FAT3: variants seen among roughly 807,000 people sequenced by gnomAD.
FAT3 encodes protocadherin Fat 3.
In FAT3, 95 loss-of-function variants were observed where a neutral mutation model predicts 310.2. That is an observed-to-expected ratio of 0.31 (90% CI 0.26 to 0.36). FAT3 has a LOEUF of 0.36. Ranked by LOEUF, FAT3 falls within the 10% of genes least tolerant of loss-of-function variation. The probability of loss-of-function intolerance (pLI) is 1.00; values close to 1 mark genes in which losing one functional copy is unlikely to be tolerated. For synonymous variants in FAT3, 2,314 were observed against 2,192.9 expected (o/e 1.06, Z -1.54); for missense variants, 5,408 against 5,715.6 (o/e 0.95, Z 1.74).
At chr11:92,815,814 GT>G (rs1379413147) in intron 13 of FAT3, among the ~76,000 whole-genome samples, 2 of 152,192 alleles carry the variant, frequency 1.3e-5, no homozygotes, top group Non-Finnish European at 2.9e-5. Flanking sequence ...GAATTCAAGT[GT>G]GAACCTCCAG....
intron 13 of FAT3, among the ~76,000 whole-genome samples, chr11:92,827,085 C>A (rs1474247629): frequency 1.3e-5 from 2 of 152,160 alleles, no homozygotes; most frequent in African/African-American, 4.8e-5. Context: ...GTTATTCTGG[C>A]ACCTGGTAGG....
At chr11:92,245,815 A>G (rs951522878) in intron 1 of FAT3, among the ~76,000 whole-genome samples, 5 of 152,158 alleles carry the variant, frequency 3.3e-5, no homozygotes, top group Non-Finnish European at 5.9e-5. Context: ...GCTTTAGAGT[A>G]AGAAAAGATG....
Position 92,866,810 on chromosome 11 carries a change from C to T in FAT3, c.11728C>T (p.Arg3910Cys), listed in dbSNP as rs1244798582. The change falls in exon 22 of 28, where the codon CGT becomes TGT. Residue 3910 changes from arginine (R) to cysteine (C), a missense_variant. Transcript: ENST00000525166. The part of the protein sequence containing the change: ...SGPGILGISG[R>C]AVNDGSWHSV... ...CCCTGGAATCTTGGGCATCTCGGGC[C>T]GTGCTGTCAACGACGGGAGCTGGCA... The T allele has an allele frequency of 6.2e-6, 10 of 1,613,766 alleles. No individual in the cohort carries two copies. The highest frequency in any genetic ancestry group is 2.7e-5 in the African/African-American group (2 of 74,938).
intron 3 of FAT3, among the ~76,000 whole-genome samples, chr11:92,570,227 A>G (rs1955624670): frequency 6.6e-6 from 1 of 152,206 alleles, no homozygotes; most frequent in African/African-American, 2.4e-5. Context: ...AGTGTCTGCC[A>G]AGTGGTAATA....
At chr11:92,779,773 G>T (rs146670879) in intron 7 of FAT3, among the ~76,000 whole-genome samples, 1 of 152,146 alleles carries the variant, frequency 6.6e-6, no homozygotes, top group African/African-American at 2.4e-5. Context: ...GGAGTATCCA[G>T]TTAGGCCCAG....
intron 6 of FAT3, among the ~76,000 whole-genome samples, chr11:92,767,622 G>A (rs1946347805): frequency 6.6e-6 from 1 of 152,122 alleles, no homozygotes; most frequent in South Asian, 2.1e-4. Flanking sequence ...CATCATTCCT[G>A]CATGTGTGTG....
intron 2 of FAT3, among the ~76,000 whole-genome samples, chr11:92,359,964 G>C (rs1315421621): frequency 1.1e-4 from 16 of 148,802 alleles, no homozygotes; most frequent in African/African-American, 4.0e-4. Flanking sequence ...CTTTATAGCA[G>C]CATGATTTAT....
chr11:92,532,383 C>T (rs1954111887), intron 3 of FAT3, among the ~76,000 whole-genome samples: 1 of 152,146 alleles, frequency 6.6e-6, no homozygotes, highest in Non-Finnish European at 1.5e-5. Flanking sequence ...GAAGAATCTT[C>T]TGTCTTATGT....
intron 2 of FAT3, among the ~76,000 whole-genome samples, chr11:92,416,369 GT>G (rs1950413249): frequency 6.8e-6 from 1 of 147,912 alleles, no homozygotes; most frequent in African/African-American, 2.5e-5. Flanking sequence ...GGGCGACAGG[GT>G]GAGACTCCAT....
intron 2 of FAT3, among the ~76,000 whole-genome samples, chr11:92,429,849 G>A (rs1950726073): frequency 6.6e-6 from 1 of 152,086 alleles, no homozygotes; most frequent in Admixed American, 6.6e-5. Flanking sequence ...TGATGATTAT[G>A]TGTTTTAGGG....
intron 3 of FAT3, among the ~76,000 whole-genome samples, chr11:92,668,558 C>T (rs1943028443): frequency 6.6e-6 from 1 of 152,180 alleles, no homozygotes; most frequent in Non-Finnish European, 1.5e-5. Context: ...ATCTAGACTC[C>T]ATCACCTGCA....
intron 11 of FAT3, 45 bp from the exon 12 acceptor site, chr11:92,806,317 C>A: frequency 6.6e-7 from 1 of 1,524,102 alleles, no homozygotes; most frequent in East Asian, 2.3e-5. Flanking sequence ...GCAATTGCCC[C>A]CACAAATACT....
In FAT3 at chr11:92,858,847, A is replaced by T. The variant is rs183795133; in HGVS notation, c.11501-318A>T. Among the ~76,000 whole-genome samples the T allele has an allele frequency of 6.6e-5, 10 of 152,296 alleles. No homozygotes were observed. The East Asian group carries it at 1.7e-3, about 26-fold the overall frequency. ...GAAGGGGTATCTTTTAATAATGCTCATTTTAGAAAGTGGGAGTTGGAAATT... is the reference window on the plus strand; with the variant it reads ...GAAGGGGTATCTTTTAATAATGCTCTTTTTAGAAAGTGGGAGTTGGAAATT... On this transcript the variant is annotated intron_variant, in intron 20 of 27. Transcript: ENST00000525166.
rs778532536 is a variant in FAT3 at position 92,798,866 on chromosome 11, C to T, written c.5853C>T (p.Tyr1951=). ...IKNNNLSKDH[Y]MLIVKVSDGK... is the part of the protein sequence containing the mutation. ...ACAACAACCTCTCCAAGGATCACTA[C>T]ATGCTGATAGTTAAGGTGTCTGATG... Residue 1951 remains tyrosine (Y), a synonymous_variant, in exon 10 of 28, where the codon TAC becomes TAT. Coordinates refer to ENST00000525166, the MANE Select transcript of FAT3 (RefSeq NM_001367949.2). 1 of 1,613,942 alleles carries T rather than the reference C, an allele frequency of 6.2e-7. No homozygotes were observed. Among genetic ancestry groups the T allele is most frequent in the South Asian group, 1.1e-5 (1 of 91,078 alleles).
chr11:92,811,117 AC>A (rs1195462826), intron 13 of FAT3, among the ~76,000 whole-genome samples: 1 of 152,188 alleles, frequency 6.6e-6, no homozygotes, highest in Admixed American at 6.5e-5. Context: ...CTGAGAACCA[AC>A]CCTTTAAAAG....
At chr11:92,303,142 T>C (rs890986114) in intron 1 of FAT3, among the ~76,000 whole-genome samples, 4 of 152,284 alleles carry the variant, frequency 2.6e-5, no homozygotes, top group Non-Finnish European at 4.4e-5. Flanking sequence ...AAAGCCTCTG[T>C]ACAATTTTAC....
intron 2 of FAT3, among the ~76,000 whole-genome samples, chr11:92,510,461 G>T (rs1057333454): frequency 2.6e-5 from 4 of 152,100 alleles, no homozygotes; most frequent in Admixed American, 2.6e-4. Context: ...CTCCCAGCTT[G>T]GTACTCTTTT....
chr11:92,739,148 C>T (rs761291843), intron 4 of FAT3, among the ~76,000 whole-genome samples: 1 of 152,152 alleles, frequency 6.6e-6, no homozygotes, highest in Non-Finnish European at 1.5e-5. Context: ...CTAAGCCTTT[C>T]CTGGATTGCA....
At chr11:92,818,472 C>T (rs555660604) in intron 13 of FAT3, among the ~76,000 whole-genome samples, 4 of 151,330 alleles carry the variant, frequency 2.6e-5, no homozygotes, top group African/African-American at 9.7e-5. Context: ...CCATTTCTCC[C>T]TTTTAGGATT....
Sources: allele counts gnomAD v4.1 joint callset (sites outside exome capture counted in the v4.1 genomes callset), GRCh38; gene constraint gnomAD v4.1.1; transcripts MANE v1.5; gene names NCBI Gene and HGNC (gene_info 2026-07-23, HGNC 2026-07-21).